CNTN3: variants seen among roughly 807,000 people sequenced by gnomAD.
CNTN3 encodes contactin-3.
CNTN3 carries 60 observed loss-of-function variants against 119.1 expected under a neutral mutation model. The observed-to-expected ratio is 0.50, with a 90% CI of 0.41 to 0.62. The LOEUF (loss-of-function observed/expected upper bound fraction) is 0.62, where lower values mean the gene tolerates loss of function less well. CNTN3 is among the 20% of genes least tolerant of loss of function. The pLI, the probability that CNTN3 is intolerant of heterozygous loss-of-function variation, is 0.00. For synonymous variants in CNTN3, 450 were observed against 438.7 expected (o/e 1.03, Z -0.32); for missense variants, 1,101 against 1,242.4 (o/e 0.89, Z 1.71).
intron 19 of CNTN3, among the ~76,000 whole-genome samples, chr3:74,290,533 T>C (rs139240335): frequency 4.1e-4 from 63 of 152,316 alleles, no homozygotes; most frequent in African/African-American, 1.5e-3. Context: ...CCACAAGCCA[T>C]TCATGTATAT....
intron 13 of CNTN3, among the ~76,000 whole-genome samples, chr3:74,309,168 G>A (rs1328474666): frequency 6.6e-6 from 1 of 152,028 alleles, no homozygotes; most frequent in Non-Finnish European, 1.5e-5. Flanking sequence ...GCTGTGGCAT[G>A]ATCTTAGCAC....
In CNTN3 at chr3:74,266,362, G is replaced by A. The variant is rs191134606; in HGVS notation, c.2986+119C>T. 67 of 1,052,436 alleles carry A rather than the reference G, an allele frequency of 6.4e-5. No individual in the cohort carries two copies. The Middle Eastern group carries it at 1.1e-3, about 17-fold the overall frequency. 65.2% of individuals were successfully genotyped at this position (1,052,436 alleles called of 1,614,324 possible). ...ACGTCTCACCTGCCAAAACCTTACC[G>A]GCATTTGGATGTAAGCCTTGCTGGA... On this transcript the variant is annotated intron_variant, in intron 22 of 22. Transcript: ENST00000263665.
intron 4 of CNTN3, among the ~76,000 whole-genome samples, chr3:74,431,578 A>G (rs540288600): frequency 6.6e-6 from 1 of 152,308 alleles, no homozygotes; most frequent in South Asian, 2.1e-4. Flanking sequence ...AGTGGAATGG[A>G]TATTATAGAG....
intron 11 of CNTN3, among the ~76,000 whole-genome samples, chr3:74,350,380 C>A (rs1703785661): frequency 6.6e-6 from 1 of 152,130 alleles, no homozygotes; most frequent in Non-Finnish European, 1.5e-5. Context: ...GAGATACCAT[C>A]TCACACCAGT....
At chr3:74,311,427 A>G (rs879879173) in intron 13 of CNTN3, among the ~76,000 whole-genome samples, 3 of 152,240 alleles carry the variant, frequency 2.0e-5, no homozygotes, top group Non-Finnish European at 4.4e-5. Context: ...TTATAAAATC[A>G]GAATGTTTTA....
intron 4 of CNTN3, among the ~76,000 whole-genome samples, chr3:74,475,671 C>T (rs1702640989): frequency 6.6e-6 from 1 of 152,156 alleles, no homozygotes; most frequent in Non-Finnish European, 1.5e-5. Context: ...CTATACCTCA[C>T]ATGGTTTGGG....
rs1559644258 is a variant in CNTN3, at chr3:74,521,130, A to G, written c.-18T>C. Reference sequence around the variant, plus strand: ...AACATCATCTTTAATTGCCAAATGCAAGAGTAACTCTTGTCCAGTCTCTGA... The same window carrying G: ...AACATCATCTTTAATTGCCAAATGCGAGAGTAACTCTTGTCCAGTCTCTGA... On this transcript the variant is annotated 5_prime_UTR_variant, in exon 2 of 23. Transcript: ENST00000263665. The G allele has an allele frequency of 1.3e-6, 2 of 1,568,082 alleles. No homozygotes were observed. Among genetic ancestry groups the G allele is most frequent in the East Asian group, 2.3e-5 (1 of 43,572 alleles).
At position 74,313,621 on chromosome 3, in the gene CNTN3, G is replaced by A. The variant is rs1012650270; in HGVS notation, c.1669-10814C>T. 5.3e-5 allele frequency among the ~76,000 whole-genome samples: 8 copies of A among 152,268 alleles called. No individual in the cohort carries two copies. The East Asian group carries it at 1.5e-3, about 29-fold the overall frequency. On this transcript the variant is annotated intron_variant, in intron 13 of 22. Transcript: ENST00000263665. ...TTCTGTGCATACGTGGGAGTCTTCT[G>A]TATGAAGACCCAATTTCCAAATGGG... is the stretch of plus-strand genomic sequence containing the variant.
chr3:74,379,305 G>T (rs934976555), intron 5 of CNTN3, among the ~76,000 whole-genome samples: 1 of 152,044 alleles, frequency 6.6e-6, no homozygotes, highest in African/African-American at 2.4e-5. Flanking sequence ...ACAGGTGTCC[G>T]CCACCATGTC....
chr3:74,416,054 A>G (rs912972773), intron 5 of CNTN3, among the ~76,000 whole-genome samples: 2 of 152,062 alleles, frequency 1.3e-5, no homozygotes, highest in African/African-American at 2.4e-5. Context: ...CTCTAAACAT[A>G]ATTGTTTTAA....
At chr3:74,391,903 C>T (rs1704919653) in intron 5 of CNTN3, among the ~76,000 whole-genome samples, 1 of 152,084 alleles carries the variant, frequency 6.6e-6, no homozygotes, top group Non-Finnish European at 1.5e-5. Context: ...AGTGATCAGC[C>T]CACCTCGGTC....
At chr3:74,568,246 G>A (rs1208726446) in intron 1 of CNTN3, among the ~76,000 whole-genome samples, 6 of 152,290 alleles carry the variant, frequency 3.9e-5, no homozygotes, top group Admixed American at 2.0e-4. Context: ...TAATGCTGCC[G>A]CTAAGTATGC....
intron 3 of CNTN3, 147 bp downstream of exon 3, chr3:74,499,512 A>C (rs530404072): frequency 1.6e-6 from 1 of 644,270 alleles, no homozygotes; most frequent in East Asian, 3.0e-5. Flanking sequence ...TTCATATATT[A>C]AATCTGTTGA....
intron 4 of CNTN3, among the ~76,000 whole-genome samples, chr3:74,450,213 CAT>C (rs1168529135): frequency 9.9e-5 from 15 of 151,978 alleles, no homozygotes; most frequent in African/African-American, 2.2e-4. Flanking sequence ...TTAAAAAATA[CAT>C]GTGTTTTTTA....
chr3:74,519,535 T>C (rs1411764105), intron 2 of CNTN3, among the ~76,000 whole-genome samples: 4 of 151,786 alleles, frequency 2.6e-5, no homozygotes, highest in East Asian at 1.9e-4. Flanking sequence ...GAGTATGTCT[T>C]TCTGTGAATG....
chr3:74,477,346 C>A (rs1702676408), intron 4 of CNTN3, among the ~76,000 whole-genome samples: 1 of 151,914 alleles, frequency 6.6e-6, no homozygotes, highest in African/African-American at 2.4e-5. Flanking sequence ...TATTTTTTGG[C>A]AAATGAGGGC....
At chr3:74,592,988 C>T (rs1195261763) in intron 1 of CNTN3, among the ~76,000 whole-genome samples, 2 of 151,900 alleles carry the variant, frequency 1.3e-5, no homozygotes, top group Non-Finnish European at 2.9e-5. Flanking sequence ...TTAAAATAAA[C>T]TTAGCTTTGT....
intron 4 of CNTN3, among the ~76,000 whole-genome samples, chr3:74,428,423 T>C (rs1426363165): frequency 6.6e-6 from 1 of 151,908 alleles, no homozygotes; most frequent in Non-Finnish European, 1.5e-5. Context: ...AAGACAGTGA[T>C]ACTGATGATC....
In CNTN3 at chr3:74,499,754, G is replaced by A; in HGVS notation, c.87C>T (p.Ile29=). 1.9e-6 allele frequency: 3 copies of A among 1,611,010 alleles called. No homozygotes were observed. The highest frequency in any genetic ancestry group is 2.5e-6 in the Non-Finnish European group (3 of 1,178,250). The change falls in exon 3 of 23, where the codon ATC becomes ATT. Residue 29 remains isoleucine, a synonymous_variant. Coordinates refer to ENST00000263665, the MANE Select transcript of CNTN3 (RefSeq NM_020872.3). ...GGAAAATGCTGTTGCTGGGTTCTTTGATAAATACAGGGCCTTGTAAGAGAA... is the reference window on the plus strand; with the variant it reads ...GGAAAATGCTGTTGCTGGGTTCTTTAATAAATACAGGGCCTTGTAAGAGAA... ...GELLLQGPVF[I]KEPSNSIFPV...
Sources: allele counts gnomAD v4.1 joint callset (sites outside exome capture counted in the v4.1 genomes callset), GRCh38; gene constraint gnomAD v4.1.1; transcripts MANE v1.5; gene names NCBI Gene and HGNC (gene_info 2026-07-23, HGNC 2026-07-21).